MAGI2: variants seen among roughly 807,000 people sequenced by gnomAD.
The protein encoded by MAGI2 is membrane-associated guanylate kinase, WW and PDZ domain-containing protein 2.
In MAGI2, 35 loss-of-function variants were observed where a neutral mutation model predicts 133.3. The ratio of observed to expected loss-of-function variants is 0.26; its 90% CI spans 0.20 to 0.35. The LOEUF is 0.35. MAGI2 is among the 10% of genes least tolerant of loss of function. MAGI2 has a pLI of 1.00. For synonymous variants in MAGI2, 729 were observed against 710.6 expected (o/e 1.03, Z -0.41); for missense variants, 1,636 against 1,863.4 (o/e 0.88, Z 2.25).
At position 78,160,146 on chromosome 7, in the gene MAGI2, AG is replaced by A. The variant is rs1563197398; in HGVS notation, c.2723del (p.Pro908LeufsTer32). The A allele has an allele frequency of 6.2e-7, 1 of 1,612,506 alleles. No homozygotes were observed. Among genetic ancestry groups the A allele is most frequent in the Non-Finnish European group, 8.5e-7 (1 of 1,179,326 alleles). On this transcript the variant is annotated frameshift_variant, in exon 16 of 22. Transcript: ENST00000354212. LOFTEE classifies it high-confidence loss of function. Reference protein sequence around the residue: ...HAAPSSNASPPEGFASHSLQT... With the variant: ...HAAPSSNASPXEGFASHSLQT... ...GCAGGCTGTGGGAGGCGAAGCCTTC[AG>A]GGGGAGAGGCATTGCTACTGGGGGC...
At chr7:79,340,371 C>T (rs1353548252) in intron 1 of MAGI2, among the ~76,000 whole-genome samples, 1 of 151,898 alleles carries the variant, frequency 6.6e-6, no homozygotes, top group Non-Finnish European at 1.5e-5. Flanking sequence ...TAGTTTGTTT[C>T]TTCCACTTCA....
At chr7:78,380,257 T>C (rs994849389) in intron 6 of MAGI2, among the ~76,000 whole-genome samples, 1 of 151,542 alleles carries the variant, frequency 6.6e-6, no homozygotes, top group African/African-American at 2.4e-5. Flanking sequence ...TAGCTTAAGA[T>C]TAAAAAGAGT....
chr7:79,434,542 T>G (rs1055656394), intron 1 of MAGI2, among the ~76,000 whole-genome samples: 1 of 152,096 alleles, frequency 6.6e-6, no homozygotes, highest in Non-Finnish European at 1.5e-5. Flanking sequence ...GCAAACTGAG[T>G]CTCATAATGG....
chr7:78,873,696 A>T (rs1256201406), intron 2 of MAGI2, among the ~76,000 whole-genome samples: 2 of 151,544 alleles, frequency 1.3e-5, no homozygotes, highest in Non-Finnish European at 2.9e-5. Context: ...AAACCACCCC[A>T]CTCCCTTGCC....
intron 2 of MAGI2, among the ~76,000 whole-genome samples, chr7:78,669,634 A>T (rs1445669491): frequency 2.6e-5 from 4 of 152,132 alleles, no homozygotes; most frequent in African/African-American, 9.7e-5. Flanking sequence ...AGAATTTTAG[A>T]CCAATATCCT....
rs1466554293 is a variant in MAGI2, at chr7:79,234,441, G to A, written c.301+218579C>T. ...TCACTTTCAGGTACACCAATCAGAC[G>A]TAGATTTGGTCTTTTCACATAGTCC... is the stretch of plus-strand genomic sequence containing the variant. On this transcript the variant is annotated intron_variant, in intron 1 of 21. Coordinates refer to ENST00000354212, the MANE Select transcript of MAGI2 (RefSeq NM_012301.4). 1.5e-4 allele frequency among the ~76,000 whole-genome samples: 23 copies of A among 151,838 alleles called. 1 individual carries two copies. The highest frequency in any genetic ancestry group is 2.4e-4 in the African/African-American group (10 of 41,418).
At chr7:78,068,576 CT>C in intron 21 of MAGI2, among the ~76,000 whole-genome samples, 1 of 152,212 alleles carries the variant, frequency 6.6e-6, no homozygotes, top group East Asian at 1.9e-4. Context: ...CTCAAATTTG[CT>C]GTGAACCTAA....
chr7:79,399,110 T>G (rs35003046), intron 1 of MAGI2, among the ~76,000 whole-genome samples: 20,778 of 146,206 alleles, frequency 0.14, 1,855 homozygotes, highest in East Asian at 0.28. Flanking sequence ...TTTTTTTTTT[T>G]GGGAGATGGA....
At chr7:79,167,395 G>T (rs1825044574) in intron 1 of MAGI2, among the ~76,000 whole-genome samples, 1 of 51,146 alleles carries the variant, frequency 2.0e-5, no homozygotes, top group African/African-American at 7.6e-5. Context: ...CCCCAAAAAT[G>T]GCAAAAAAAA....
intron 1 of MAGI2, among the ~76,000 whole-genome samples, chr7:79,444,389 T>C (rs929402910): frequency 2.0e-5 from 3 of 152,188 alleles, no homozygotes; most frequent in African/African-American, 7.2e-5. Flanking sequence ...TGTTTGCAGA[T>C]GACATGATTG....
At chr7:79,269,971 G>T in intron 1 of MAGI2, among the ~76,000 whole-genome samples, 1 of 152,056 alleles carries the variant, frequency 6.6e-6, no homozygotes, top group East Asian at 1.9e-4. Flanking sequence ...AGTTTTGTGA[G>T]TTCCCCAGTT....
intron 5 of MAGI2, among the ~76,000 whole-genome samples, chr7:78,499,055 AAAC>A (rs147914906): frequency 4.8e-4 from 72 of 150,478 alleles, no homozygotes; most frequent in Admixed American, 1.7e-3. Context: ...CTACAAACTC[AAAC>A]AACAACAACA....
chr7:79,161,714 G>A (rs1824371021), intron 1 of MAGI2, among the ~76,000 whole-genome samples: 1 of 152,002 alleles, frequency 6.6e-6, no homozygotes, highest in Non-Finnish European at 1.5e-5. Context: ...GGTAAAAGAA[G>A]GGTCAAGAAA....
chr7:78,859,414 A>T (rs1198579639), intron 2 of MAGI2, among the ~76,000 whole-genome samples: 1 of 150,222 alleles, frequency 6.7e-6, no homozygotes, highest in African/African-American at 2.4e-5. Context: ...TTCCTTCAGG[A>T]GGTCTTTTAG....
intron 1 of MAGI2, among the ~76,000 whole-genome samples, chr7:79,038,013 T>C (rs1811279836): frequency 1.3e-5 from 2 of 152,236 alleles, no homozygotes; most frequent in Non-Finnish European, 2.9e-5. Context: ...CAAAAACCTT[T>C]TGTACGTTCA....
At chr7:78,089,833 T>C (rs534267451) in intron 20 of MAGI2, among the ~76,000 whole-genome samples, 7 of 152,172 alleles carry the variant, frequency 4.6e-5, no homozygotes, top group Non-Finnish European at 8.8e-5. Context: ...CATAATTATA[T>C]TTCAAAGAGC....
intron 7 of MAGI2, among the ~76,000 whole-genome samples, chr7:78,366,669 C>A (rs889093027): frequency 2.0e-5 from 3 of 152,230 alleles, no homozygotes; most frequent in South Asian, 2.1e-4. Flanking sequence ...ACATCATATA[C>A]AATAACAGGT....
intron 6 of MAGI2, among the ~76,000 whole-genome samples, chr7:78,468,556 CA>C (rs1790876470): frequency 1.3e-5 from 2 of 151,992 alleles, no homozygotes; most frequent in Admixed American, 6.6e-5. Context: ...TGTTTCAAGC[CA>C]CTGAAAAATC....
intron 3 of MAGI2, among the ~76,000 whole-genome samples, chr7:78,539,552 C>T (rs903354928): frequency 4.6e-5 from 7 of 152,126 alleles, no homozygotes; most frequent in African/African-American, 1.7e-4. Context: ...CCTCTAAGCA[C>T]TACTTTTGCT....
Sources: allele counts gnomAD v4.1 joint callset (sites outside exome capture counted in the v4.1 genomes callset), GRCh38; gene constraint gnomAD v4.1.1; transcripts MANE v1.5; gene names NCBI Gene and HGNC (gene_info 2026-07-23, HGNC 2026-07-21).